CC2D2B: variants seen among roughly 807,000 people sequenced by gnomAD.
CC2D2B encodes protein CC2D2B.
A neutral mutation model predicts 161.2 loss-of-function variants in CC2D2B; 128 were observed. The ratio of observed to expected loss-of-function variants is 0.79; its 90% CI spans 0.69 to 0.92. CC2D2B has a LOEUF of 0.92. Ranked by LOEUF, CC2D2B falls within the 40% of genes least tolerant of loss-of-function variation. The pLI is 0.00. For synonymous variants in CC2D2B, 391 were observed against 449.8 expected, an observed-to-expected ratio of 0.87 and a Z score of 1.65; for missense variants, 1,173 against 1,375.1, an observed-to-expected ratio of 0.85 and a Z score of 2.32.
chr10:95,970,323 C>T (rs576953520), intron 15 of CC2D2B, among the ~76,000 whole-genome samples: 16 of 152,194 alleles, frequency 1.1e-4, no homozygotes, highest in South Asian at 4.1e-4. Flanking sequence ...CATGAACCAA[C>T]ATGCCCCGCC....
At chr10:95,998,078 G>GT (rs918049056) in intron 24 of CC2D2B, among the ~76,000 whole-genome samples, 34 of 149,778 alleles carry the variant, frequency 2.3e-4, no homozygotes, top group African/African-American at 3.7e-4. Flanking sequence ...TAAAGAGGCA[G>GT]TTTTTTTTTC....
rs1389783702 is a variant in CC2D2B at position 95,921,790 on chromosome 10, C to T, written c.37-226C>T. The stretch of plus-strand genomic sequence containing the variant: ...GGGCGGGGCACATCACACGCCAGGG[C>T]CTGTCAGAGGGTGGGGGGCTGGGGG... On this transcript the variant is annotated intron_variant, in intron 2 of 34. Transcript: ENST00000646931. 7.4e-5 allele frequency among the ~76,000 whole-genome samples: 11 copies of T among 148,776 alleles called. No homozygotes were observed. The Admixed American group carries it at 7.4e-4, about 10-fold the overall frequency.
At chr10:95,980,258 C>A (rs139521601) in intron 17 of CC2D2B, among the ~76,000 whole-genome samples, 5 of 152,034 alleles carry the variant, frequency 3.3e-5, no homozygotes, top group Non-Finnish European at 7.4e-5. Context: ...CTGGTTTTGA[C>A]CCAAGAACAG....
chr10:95,965,785 TTGTGTGTGTG>T (rs59230785), intron 12 of CC2D2B, 101 bp from the exon 13 acceptor site: 760 of 343,874 alleles, frequency 2.2e-3, no homozygotes, highest in East Asian at 8.5e-3. Context: ...GAGATTGGTT[TTGTGTGTGTG>T]TGTGTGTGTG....
intron 22 of CC2D2B, among the ~76,000 whole-genome samples, chr10:95,993,520 A>G (rs564038694): frequency 6.6e-6 from 1 of 152,166 alleles, no homozygotes; most frequent in East Asian, 1.9e-4. Context: ...CTACTAATCT[A>G]TAGTTAACAT....
intron 6 of CC2D2B, among the ~76,000 whole-genome samples, chr10:95,928,737 T>A (rs981903123): frequency 6.2e-5 from 6 of 97,542 alleles, no homozygotes; most frequent in African/African-American, 2.6e-4. Context: ...GGACATGAAC[T>A]CATCCTTTTT....
intron 18 of CC2D2B, among the ~76,000 whole-genome samples, chr10:95,983,320 C>T (rs773161937): frequency 6.6e-6 from 1 of 152,162 alleles, no homozygotes; most frequent in Admixed American, 6.5e-5. Flanking sequence ...TCAGGATGAC[C>T]AGATAGGAAC....
intron 18 of CC2D2B, among the ~76,000 whole-genome samples, chr10:95,982,842 G>T (rs2077579368): frequency 6.6e-6 from 1 of 152,000 alleles, no homozygotes; most frequent in Non-Finnish European, 1.5e-5. Context: ...TGCGATCTCG[G>T]GTCACCACAA....
rs184566678 is a variant in CC2D2B at position 96,029,547 on chromosome 10, T to A, written c.4125+2158T>A. Among the ~76,000 whole-genome samples, 697 of 151,516 alleles carry A rather than the reference T, an allele frequency of 4.6e-3. 13 individuals are homozygous for A. Among genetic ancestry groups the A allele is most frequent in the Admixed American group, 0.015 (223 of 15,216 alleles). On this transcript the variant is annotated intron_variant, in intron 34 of 34. Coordinates refer to ENST00000646931, the MANE Select transcript of CC2D2B (RefSeq NM_001349008.3). The stretch of plus-strand genomic sequence containing the variant: ...GAAAAACCTCTAGTAGTAGATCAAT[T>A]CCCTGTTATTTGTTCTGGGCAAGAG...
chr10:95,937,981 T>C lies in CC2D2B; in HGVS notation c.337-10T>C. On this transcript the variant is annotated splice_polypyrimidine_tract_variant and intron_variant, in intron 6 of 34. Transcript: ENST00000646931. Reference sequence around the variant, plus strand: ...CATGTAAACTTATTTTCCTTTTTGGTATTCAACAGAGACCAGTAAACCGTA... The same window carrying C: ...CATGTAAACTTATTTTCCTTTTTGGCATTCAACAGAGACCAGTAAACCGTA... 6.7e-7 allele frequency: 1 copy of C among 1,482,088 alleles called. No individual in the cohort carries two copies. The highest frequency in any genetic ancestry group is 9.2e-7 in the Non-Finnish European group (1 of 1,088,182). 91.8% of individuals were successfully genotyped at this position (1,482,088 alleles called of 1,614,324 possible).
At chr10:95,995,595 T>C (rs892257361) in intron 23 of CC2D2B, among the ~76,000 whole-genome samples, 1 of 152,250 alleles carries the variant, frequency 6.6e-6, no homozygotes, top group South Asian at 2.1e-4. Flanking sequence ...TCTTCAGGCA[T>C]CTGGCCCATG....
intron 19 of CC2D2B, among the ~76,000 whole-genome samples, chr10:95,984,061 A>G (rs1056422276): frequency 1.3e-5 from 2 of 152,196 alleles, no homozygotes; most frequent in Non-Finnish European, 2.9e-5. Flanking sequence ...CATATTCTAA[A>G]TTTATGTAAC....
intron 15 of CC2D2B, among the ~76,000 whole-genome samples, chr10:95,969,377 T>C (rs2077045759): frequency 6.6e-6 from 1 of 152,076 alleles, no homozygotes; most frequent in Non-Finnish European, 1.5e-5. Context: ...CCAGTCTCTG[T>C]GCAAAGATCC....
Position 95,966,058 on chromosome 10 carries a change from G to A in CC2D2B, c.1353+60G>A, listed in dbSNP as rs958831658. The A allele has an allele frequency of 6.5e-6, 5 of 767,910 alleles. No individual in the cohort carries two copies. In the African/African-American group the frequency reaches 9.0e-5, roughly 14 times the overall value. 47.6% of individuals were successfully genotyped at this position (767,910 alleles called of 1,614,324 possible). On this transcript the variant is annotated intron_variant, in intron 13 of 34. Transcript: ENST00000646931. ...AGTTATAATATTTTATTTTTTGATAGAATGTGAAATCTTGGTATTTCTAAA... is the reference window on the plus strand; with the variant it reads ...AGTTATAATATTTTATTTTTTGATAAAATGTGAAATCTTGGTATTTCTAAA...
intron 30 of CC2D2B, chr10:96,018,750 T>A (rs1429889400): frequency 1.4e-5 from 2 of 141,268 alleles, no homozygotes; most frequent in East Asian, 2.1e-4. Context: ...TTTTTTTTTT[T>A]ATTTCAAAGA....
intron 22 of CC2D2B, among the ~76,000 whole-genome samples, chr10:95,993,832 G>GTATA (rs2078056949): frequency 1.1e-5 from 1 of 91,454 alleles, no homozygotes; most frequent in African/African-American, 4.6e-5. Flanking sequence ...TATATAAAGA[G>GTATA]TGTATATATA....
In CC2D2B at chr10:95,983,796, A is replaced by G; in HGVS notation, c.2273A>G (p.Asp758Gly). 1.6e-6 allele frequency: 2 copies of G among 1,224,374 alleles called. No individual in the cohort carries two copies. Among genetic ancestry groups the G allele is most frequent in the Non-Finnish European group, 2.0e-6 (2 of 981,046 alleles). 75.8% of individuals were successfully genotyped at this position (1,224,374 alleles called of 1,614,324 possible). A position where few individuals can be genotyped will look rare whatever the true frequency, so the allele number is the denominator to read the frequency against. Reference protein sequence around the residue: ...QMPLHDTEIPDLVFQEYESQK... With the variant: ...QMPLHDTEIPGLVFQEYESQK... ...CCCCTCCATGATACAGAGATTCCAGATTTAGTCTTCCAGGTATTTGGTTTC... is the reference window on the plus strand; with the variant it reads ...CCCCTCCATGATACAGAGATTCCAGGTTTAGTCTTCCAGGTATTTGGTTTC... Residue 758 changes from aspartate to glycine, a missense_variant, in exon 19 of 35, where the codon GAT becomes GGT. Physicochemically the swap from Asp to Gly is moderately conservative, Grantham distance 94 (BLOSUM62 -1). Coordinates refer to ENST00000646931, the MANE Select transcript of CC2D2B (RefSeq NM_001349008.3).
At chr10:95,914,747 G>A (rs1023654029) in intron 2 of CC2D2B, among the ~76,000 whole-genome samples, 13 of 152,198 alleles carry the variant, frequency 8.5e-5, no homozygotes, top group African/African-American at 1.2e-4. Flanking sequence ...CCAGCAATGC[G>A]GAACTGTGAG....
chr10:95,931,583 C>G (rs1176032978), intron 6 of CC2D2B, among the ~76,000 whole-genome samples: 1 of 152,104 alleles, frequency 6.6e-6, no homozygotes. Context: ...TACATTGTGT[C>G]TTTGTTTTCT....
Sources: gnomAD v4.1 joint callset for allele counts (sites outside exome capture counted in the v4.1 genomes callset) on GRCh38, gnomAD v4.1.1 for gene constraint, MANE v1.5 for transcripts, NCBI Gene and HGNC (gene_info 2026-07-23, HGNC 2026-07-21) for gene names.